The following TMTC2 variants were observed in gnomAD, a reference collection of about 807,000 sequenced individuals.
TMTC2 encodes the protein protein O-mannosyl-transferase TMTC2.
TMTC2 carries 43 observed loss-of-function variants against 82.4 expected under a neutral mutation model. That is an observed-to-expected ratio of 0.52 (90% CI 0.41 to 0.67). The LOEUF (loss-of-function observed/expected upper bound fraction) is 0.67, where lower values mean the gene tolerates loss of function less well. TMTC2 is among the 30% of genes least tolerant of loss of function. The pLI is 0.00. For missense variants in TMTC2, 919 were observed against 1,012.4 expected (o/e 0.91, Z 1.25); for synonymous variants, 408 against 381.9 (o/e 1.07, Z -0.80).
intron 3 of TMTC2, among the ~76,000 whole-genome samples, chr12:82,914,525 T>G (rs2137215698): frequency 6.6e-6 from 1 of 152,314 alleles, no homozygotes; most frequent in Admixed American, 6.5e-5. Context: ...ATTTTCATTA[T>G]TTTTTAAATC....
chr12:82,953,660 T>C (rs769177715), intron 4 of TMTC2, among the ~76,000 whole-genome samples: 4 of 152,212 alleles, frequency 2.6e-5, no homozygotes. Context: ...AATTAAGTTA[T>C]GTAAAATCTC....
intron 1 of TMTC2, among the ~76,000 whole-genome samples, chr12:82,698,576 C>T (rs932927206): frequency 3.3e-5 from 5 of 152,096 alleles, no homozygotes; most frequent in Non-Finnish European, 2.9e-5. Flanking sequence ...TTCCAAAACC[C>T]CCAGTGTATG....
chr12:82,975,921 C>G (rs201457390), intron 7 of TMTC2, among the ~76,000 whole-genome samples: 1 of 151,656 alleles, frequency 6.6e-6, no homozygotes, highest in East Asian at 1.9e-4. Context: ...TGCTATTTAG[C>G]ACTTCTTTGC....
intron 1 of TMTC2, among the ~76,000 whole-genome samples, chr12:82,724,375 C>T (rs1053878373): frequency 3.3e-5 from 5 of 152,094 alleles, no homozygotes; most frequent in African/African-American, 9.7e-5. Flanking sequence ...ATGTATAACC[C>T]CCCGTGTTGA....
chr12:82,911,942 G>A (rs906664693), intron 3 of TMTC2, among the ~76,000 whole-genome samples: 1 of 152,090 alleles, frequency 6.6e-6, no homozygotes, highest in African/African-American at 2.4e-5. Context: ...GTACCTAGAA[G>A]GAAATTTAGA....
chr12:82,988,071 G>A lies in TMTC2; in HGVS notation c.2070+2025G>A, dbSNP rs114145234. Among the ~76,000 whole-genome samples, 250 of 152,276 alleles carry A rather than the reference G, an allele frequency of 1.6e-3. 2 individuals are homozygous for A. Among genetic ancestry groups the A allele is most frequent in the African/African-American group, 5.8e-3 (242 of 41,550 alleles). ...AAATCTAGAAGGAATGCTGGAGTGA[G>A]GTGCATAAAAGTACTGGGCAAAGAA... is the stretch of plus-strand genomic sequence containing the variant. On this transcript the variant is annotated intron_variant, in intron 8 of 11. Transcript: ENST00000321196.
intron 1 of TMTC2, among the ~76,000 whole-genome samples, chr12:82,834,947 G>A (rs571453275): frequency 5.8e-4 from 88 of 151,288 alleles, no homozygotes; most frequent in African/African-American, 2.0e-3. Context: ...GTGCTATCTC[G>A]GCCCACTGCA....
intron 1 of TMTC2, among the ~76,000 whole-genome samples, chr12:82,818,394 A>G (rs776631544): frequency 1.8e-4 from 27 of 152,080 alleles, no homozygotes; most frequent in Non-Finnish European, 3.5e-4. Flanking sequence ...AAAATGAGGG[A>G]TGACTCAACT....
At chr12:82,946,804 C>G (rs1046838894) in intron 4 of TMTC2, among the ~76,000 whole-genome samples, 2 of 149,734 alleles carry the variant, frequency 1.3e-5, no homozygotes, top group East Asian at 2.0e-4. Context: ...TGCAGTGGCG[C>G]CATCTCGGCT....
chr12:82,882,089 T>A (rs920677452), intron 2 of TMTC2, among the ~76,000 whole-genome samples: 2 of 134,144 alleles, frequency 1.5e-5, no homozygotes, highest in Non-Finnish European at 1.5e-5. Flanking sequence ...AAGCTCCGCC[T>A]CCCGGGTTCA....
At chr12:83,028,888 G>A (rs1881294638) in intron 8 of TMTC2, among the ~76,000 whole-genome samples, 1 of 152,198 alleles carries the variant, frequency 6.6e-6, no homozygotes, top group South Asian at 2.1e-4. Context: ...AAGTTAAAAT[G>A]TGGGAAACAT....
intron 1 of TMTC2, among the ~76,000 whole-genome samples, chr12:82,724,643 G>A (rs1302225840): frequency 6.6e-6 from 1 of 152,164 alleles, no homozygotes; most frequent in African/African-American, 2.4e-5. Context: ...CCAGTCTCAG[G>A]TGGTTCTTTA....
At chr12:82,920,816 C>A (rs1406383400) in intron 3 of TMTC2, among the ~76,000 whole-genome samples, 1 of 152,122 alleles carries the variant, frequency 6.6e-6, no homozygotes. Context: ...CTTATTAAAT[C>A]TCTGTCACAT....
intron 1 of TMTC2, among the ~76,000 whole-genome samples, chr12:82,754,064 G>A (rs1022277656): frequency 6.6e-6 from 1 of 152,128 alleles, no homozygotes; most frequent in African/African-American, 2.4e-5. Flanking sequence ...AAGTCCAGAT[G>A]CTTTCTTGGG....
rs561448940 is a variant in TMTC2 at position 82,982,030 on chromosome 12, A to G, written c.1949-3895A>G. 2.0e-5 allele frequency among the ~76,000 whole-genome samples: 3 copies of G among 150,028 alleles called. No individual in the cohort carries two copies. The East Asian group carries it at 5.8e-4, about 29-fold the overall frequency. ...TGCTTTTTTTTTTTTTTAAATCTTGAGTGAGTTTGTTAAGCTCTCTGAAGC... is the reference window on the plus strand; with the variant it reads ...TGCTTTTTTTTTTTTTTAAATCTTGGGTGAGTTTGTTAAGCTCTCTGAAGC... On this transcript the variant is annotated intron_variant, in intron 7 of 11. Coordinates refer to ENST00000321196, the MANE Select transcript of TMTC2 (RefSeq NM_152588.3).
At chr12:82,924,779 T>G in intron 3 of TMTC2, among the ~76,000 whole-genome samples, 1 of 152,176 alleles carries the variant, frequency 6.6e-6, no homozygotes, top group Non-Finnish European at 1.5e-5. Flanking sequence ...GCTCCTTTAG[T>G]TCGCTTGCAG....
chr12:82,815,280 C>A (rs924624096), intron 1 of TMTC2, among the ~76,000 whole-genome samples: 1 of 140,644 alleles, frequency 7.1e-6, no homozygotes, highest in Non-Finnish European at 1.5e-5. Context: ...CATTCTTTTG[C>A]GCATTTATTT....
chr12:82,804,979 A>G (rs982721627), intron 1 of TMTC2, among the ~76,000 whole-genome samples: 1 of 152,086 alleles, frequency 6.6e-6, no homozygotes, highest in African/African-American at 2.4e-5. Flanking sequence ...GAAAGGGTAC[A>G]CTCTCTAGCA....
At chr12:82,799,271 A>G (rs759083296) in intron 1 of TMTC2, among the ~76,000 whole-genome samples, 1 of 152,152 alleles carries the variant, frequency 6.6e-6, no homozygotes, top group Non-Finnish European at 1.5e-5. Flanking sequence ...CTGATGGAGA[A>G]TCACTTGACT....
Sources: allele counts gnomAD v4.1 joint callset (sites outside exome capture counted in the v4.1 genomes callset), GRCh38; gene constraint gnomAD v4.1.1; transcripts MANE v1.5; gene names NCBI Gene and HGNC (gene_info 2026-07-23, HGNC 2026-07-21).